Variants in SCEL observed in about 807,000 individuals in gnomAD.
SCEL encodes the protein sciellin.
A neutral mutation model predicts 117.6 loss-of-function variants in SCEL; 113 were observed. That is an observed-to-expected ratio of 0.96 (90% confidence interval 0.83 to 1.12). SCEL has a LOEUF of 1.12. Ranked by LOEUF, SCEL falls within the 50% of genes most tolerant of loss-of-function variation. The pLI, the probability that SCEL is intolerant of heterozygous loss-of-function variation, is 0.00. For synonymous variants in SCEL, 270 were observed against 256.2 expected (o/e 1.05, Z -0.51); for missense variants, 785 against 810.8 (o/e 0.97, Z 0.39).
At chr13:77,618,587 A>G (rs1034001427) in intron 27 of SCEL, among the ~76,000 whole-genome samples, 1 of 152,038 alleles carries the variant, frequency 6.6e-6, no homozygotes, top group Non-Finnish European at 1.5e-5. Flanking sequence ...GACCCATCCC[A>G]TGTGACTCCT....
At chr13:77,605,763 T>C (rs9565358) in intron 19 of SCEL, among the ~76,000 whole-genome samples, 17,260 of 152,112 alleles carry the variant, frequency 0.11, 1,295 homozygotes, top group South Asian at 0.19. Flanking sequence ...TCCAAGCACT[T>C]TGGGAGGCCG....
At chr13:77,569,647 A>G (rs1024318341) in intron 8 of SCEL, among the ~76,000 whole-genome samples, 196 bp downstream of exon 8, 3 of 152,194 alleles carry the variant, frequency 2.0e-5, no homozygotes, top group African/African-American at 7.2e-5. Context: ...TTTCTAGGAA[A>G]TGTTTTAGAT....
chr13:77,621,217 CCTT>C (rs1478432657), intron 27 of SCEL, among the ~76,000 whole-genome samples: 1 of 152,142 alleles, frequency 6.6e-6, no homozygotes, highest in Non-Finnish European at 1.5e-5. Context: ...TGATTAAACT[CCTT>C]CTGTGGCTCC....
At chr13:77,571,189 T>C (rs1200629823) in intron 8 of SCEL, among the ~76,000 whole-genome samples, 1 of 148,052 alleles carries the variant, frequency 6.8e-6, no homozygotes, top group African/African-American at 2.5e-5. Flanking sequence ...AAGCCTGTAA[T>C]CCCAGCACTT....
chr13:77,542,876 T>C (rs2083781660), intron 1 of SCEL, among the ~76,000 whole-genome samples: 1 of 152,162 alleles, frequency 6.6e-6, no homozygotes, highest in Non-Finnish European at 1.5e-5. Context: ...AATGGTTTTA[T>C]GGCATTTGTC....
chr13:77,599,371 A>T lies in SCEL; in HGVS notation c.840A>T (p.Val280=). ...GTCTCTTCAGAGCAAATCCAAAGGT[A>T]GAAGAAAGAGAGAAAAGGTAAGTGC... ...LDSLFRANPK[V]EEREKRAKSL... The change falls in exon 14 of 33, where the codon GTA becomes GTT. Residue 280 remains valine, a synonymous_variant. Transcript: ENST00000349847. 1 of 1,612,382 alleles carries T rather than the reference A, an allele frequency of 6.2e-7. No homozygotes were observed. The highest frequency in any genetic ancestry group is 8.5e-7 in the Non-Finnish European group (1 of 1,178,730).
chr13:77,547,540 C>G (rs532640310), intron 1 of SCEL, among the ~76,000 whole-genome samples: 1 of 152,310 alleles, frequency 6.6e-6, no homozygotes, highest in African/African-American at 2.4e-5. Flanking sequence ...CCCTCACTCT[C>G]TCATCCTCTG....
intron 32 of SCEL, among the ~76,000 whole-genome samples, chr13:77,644,016 G>A (rs1022103921): frequency 1.3e-5 from 2 of 152,050 alleles, no homozygotes; most frequent in African/African-American, 4.8e-5. Context: ...GGCATTGCAT[G>A]TTTTATAATA....
Position 77,561,326 on chromosome 13 carries a change from A to G in SCEL, c.221+1463A>G, listed in dbSNP as rs536789970. ...GCTTAATGCCTTTCATGCTTATTTC[A>G]TATTTTAAATTGTATTCGTTTCCTG... On this transcript the variant is annotated intron_variant, in intron 4 of 32. Coordinates refer to ENST00000349847, the MANE Select transcript of SCEL (RefSeq NM_144777.3). 4.6e-5 allele frequency among the ~76,000 whole-genome samples: 7 copies of G among 152,362 alleles called. No individual in the cohort carries two copies. The South Asian group carries it at 1.2e-3, about 27-fold the overall frequency.
intron 29 of SCEL, among the ~76,000 whole-genome samples, chr13:77,634,948 C>A (rs2090204401): frequency 6.6e-6 from 1 of 152,036 alleles, no homozygotes; most frequent in Non-Finnish European, 1.5e-5. Context: ...AAAATGTAAA[C>A]CAAGGTCAGG....
chr13:77,567,817 G>A (rs1567359401), intron 6 of SCEL, 69 bp downstream of exon 6: 1 of 936,246 alleles, frequency 1.1e-6, no homozygotes, highest in Non-Finnish European at 1.7e-6. Context: ...CTATGTACTT[G>A]CAATTCTTCA....
intron 4 of SCEL, 136 bp from the exon 5 acceptor site, chr13:77,563,695 A>G: frequency 1.7e-6 from 1 of 581,868 alleles, no homozygotes; most frequent in South Asian, 2.8e-5. Context: ...GGTATTAGAA[A>G]TCTATCTTTC....
chr13:77,559,260 ACTGTATTCT>A (rs1363669653), intron 3 of SCEL, among the ~76,000 whole-genome samples: 2 of 152,160 alleles, frequency 1.3e-5, no homozygotes, highest in Non-Finnish European at 2.9e-5. Context: ...ACTAGAGCAA[ACTGTATTCT>A]CATGGTTCAA....
intron 3 of SCEL, among the ~76,000 whole-genome samples, chr13:77,558,714 G>C (rs1273066470): frequency 6.6e-6 from 1 of 151,226 alleles, no homozygotes; most frequent in Non-Finnish European, 1.5e-5. Flanking sequence ...TACTCAGGAG[G>C]CTGAGACAGG....
chr13:77,585,592 A>G (rs1391703777), intron 9 of SCEL, among the ~76,000 whole-genome samples: 2 of 152,094 alleles, frequency 1.3e-5, no homozygotes, highest in Non-Finnish European at 2.9e-5. Context: ...TTGGTGCTCC[A>G]CTATCCATCA....
At chr13:77,611,507 T>C (rs186223081) in intron 22 of SCEL, among the ~76,000 whole-genome samples, 4 of 152,316 alleles carry the variant, frequency 2.6e-5, no homozygotes, top group African/African-American at 9.6e-5. Context: ...CACATTAAGA[T>C]TCAGTGAAAG....
At chr13:77,542,261 C>T (rs1277078279) in intron 1 of SCEL, among the ~76,000 whole-genome samples, 1 of 152,102 alleles carries the variant, frequency 6.6e-6, no homozygotes, top group East Asian at 1.9e-4. Context: ...ATTAGAGAGG[C>T]ATGGTGGTGC....
chr13:77,629,603 A>G (rs765382363), intron 28 of SCEL, among the ~76,000 whole-genome samples: 10 of 152,180 alleles, frequency 6.6e-5, no homozygotes, highest in Non-Finnish European at 1.2e-4. Flanking sequence ...AGCCAAGGGG[A>G]AAGTTCCACT....
At chr13:77,613,332 T>G (rs1016986635) in intron 23 of SCEL, among the ~76,000 whole-genome samples, 2 of 152,186 alleles carry the variant, frequency 1.3e-5, no homozygotes, top group Admixed American at 1.3e-4. Flanking sequence ...GTGAAAAAAC[T>G]GACAACATAA....
Sources: gnomAD v4.1 joint callset for allele counts (sites outside exome capture counted in the v4.1 genomes callset) on GRCh38, gnomAD v4.1.1 for gene constraint, MANE v1.5 for transcripts, NCBI Gene and HGNC (gene_info 2026-07-23, HGNC 2026-07-21) for gene names.